TTLL7: variants seen among roughly 807,000 people sequenced by gnomAD.
TTLL7 encodes the protein tubulin polyglutamylase TTLL7.
A neutral mutation model predicts 120.2 loss-of-function variants in TTLL7; 53 were observed. The ratio of observed to expected loss-of-function variants is 0.44; its 90% CI spans 0.35 to 0.55. The LOEUF is 0.55. Ranked by LOEUF, TTLL7 falls within the 20% of genes least tolerant of loss-of-function variation. The pLI is 0.00. For synonymous variants in TTLL7, 353 were observed against 351.7 expected, an observed-to-expected ratio of 1.00 and a Z score of -0.04; for missense variants, 803 against 1,054.7, an observed-to-expected ratio of 0.76 and a Z score of 3.31.
chr1:83,887,710 A>G (rs1463869763), intron 19 of TTLL7, among the ~76,000 whole-genome samples: 4 of 152,072 alleles, frequency 2.6e-5, no homozygotes, highest in Non-Finnish European at 5.9e-5. Flanking sequence ...GGGAATGTCA[A>G]TGAAGCAAAG....
chr1:83,907,344 G>C (rs1657277304), intron 16 of TTLL7, 112 bp downstream of exon 16: 1 of 907,770 alleles, frequency 1.1e-6, no homozygotes, highest in Non-Finnish European at 1.7e-6. Context: ...AAGAGGTCAT[G>C]AGTTGAATTA....
intron 18 of TTLL7, among the ~76,000 whole-genome samples, chr1:83,892,267 C>A (rs1460719174): frequency 2.1e-5 from 2 of 94,334 alleles, no homozygotes; most frequent in African/African-American, 3.8e-5. Context: ...AATATATATA[C>A]GAATATATAT....
intron 15 of TTLL7, among the ~76,000 whole-genome samples, chr1:83,908,658 T>C (rs1657417865): frequency 1.3e-5 from 2 of 152,032 alleles, no homozygotes; most frequent in African/African-American, 2.4e-5. Flanking sequence ...CTCAATACTA[T>C]CAATATTTTT....
chr1:83,947,301 A>G lies in TTLL7; in HGVS notation c.348-19T>C. 7.0e-6 allele frequency: 11 copies of G among 1,572,848 alleles called. No homozygotes were observed. The highest frequency in any genetic ancestry group is 9.4e-6 in the Non-Finnish European group (11 of 1,165,974). On this transcript the variant is annotated intron_variant, in intron 5 of 20. Transcript: ENST00000260505. ...GATCATTCTGTAAATTGGACATAAT[A>G]GGAAAAATAATTTCTATTCAAACTA... is the stretch of plus-strand genomic sequence containing the variant.
At chr1:83,917,131 T>G (rs538072197) in intron 14 of TTLL7, among the ~76,000 whole-genome samples, 1 of 150,748 alleles carries the variant, frequency 6.6e-6, no homozygotes, top group East Asian at 1.9e-4. Context: ...AACATGTAGA[T>G]GTCATCTACA....
intron 18 of TTLL7, among the ~76,000 whole-genome samples, chr1:83,902,681 C>T (rs1387114620): frequency 1.3e-5 from 2 of 151,896 alleles, no homozygotes; most frequent in Non-Finnish European, 2.9e-5. Flanking sequence ...AGGCCTCAGT[C>T]CTTGAAACTC....
chr1:83,913,002 G>A (rs1289484411), intron 14 of TTLL7: 1 of 152,110 alleles, frequency 6.6e-6, no homozygotes, highest in East Asian at 1.9e-4. Flanking sequence ...AGCTTTAAGT[G>A]TTCTTAAAGA....
chr1:83,989,761 G>A (rs893781428), intron 1 of TTLL7, among the ~76,000 whole-genome samples: 3 of 152,026 alleles, frequency 2.0e-5, no homozygotes, highest in African/African-American at 4.8e-5. Context: ...AGACTGCTTT[G>A]GGCAGTATGG....
intron 19 of TTLL7, 55 bp from the exon 20 acceptor site, chr1:83,883,191 G>T: frequency 7.0e-7 from 1 of 1,437,406 alleles, no homozygotes; most frequent in Non-Finnish European, 9.4e-7. Flanking sequence ...ATGACAACCA[G>T]CTATATATCA....
At chr1:83,935,073 A>G (rs1647267411) in intron 8 of TTLL7, among the ~76,000 whole-genome samples, 1 of 152,094 alleles carries the variant, frequency 6.6e-6, no homozygotes, top group Admixed American at 6.6e-5. Context: ...ACCACAATCC[A>G]GTTTATATTT....
chr1:83,929,652 T>C (rs1659426503), intron 9 of TTLL7, among the ~76,000 whole-genome samples: 2 of 152,324 alleles, frequency 1.3e-5, no homozygotes, highest in African/African-American at 4.8e-5. Context: ...TATACATCTA[T>C]ATATTTAAAA....
At chr1:83,889,000 C>T (rs1490870614) in intron 19 of TTLL7, among the ~76,000 whole-genome samples, 6 of 151,940 alleles carry the variant, frequency 3.9e-5, no homozygotes, top group African/African-American at 1.4e-4. Flanking sequence ...TTATCTGTAT[C>T]TCTTTTATAA....
intron 18 of TTLL7, among the ~76,000 whole-genome samples, chr1:83,896,269 C>CTTA (rs1656214273): frequency 6.6e-6 from 1 of 152,044 alleles, no homozygotes; most frequent in Non-Finnish European, 1.5e-5. Context: ...CCCAATCCAA[C>CTTA]ATTAAGCTCT....
At chr1:83,949,749 A>T in intron 4 of TTLL7, 116 bp downstream of exon 4, 1 of 1,135,078 alleles carries the variant, frequency 8.8e-7, no homozygotes, top group Non-Finnish European at 1.3e-6. Flanking sequence ...CAGGCTATTC[A>T]GGTGAGTAAG....
chr1:83,944,829 C>G (rs1478509421), intron 6 of TTLL7, among the ~76,000 whole-genome samples: 1 of 152,146 alleles, frequency 6.6e-6, no homozygotes, highest in East Asian at 1.9e-4. Flanking sequence ...CTGATGGACA[C>G]AGAAGGTGCA....
At chr1:83,924,759 A>G (rs997782529) in intron 10 of TTLL7, among the ~76,000 whole-genome samples, 1 of 152,312 alleles carries the variant, frequency 6.6e-6, no homozygotes, top group East Asian at 1.9e-4. Context: ...TAAAAAAGTC[A>G]GTTGGCATTC....
intron 17 of TTLL7, 116 bp downstream of exon 17, chr1:83,906,213 A>G (rs956930029): frequency 3.5e-6 from 3 of 859,528 alleles, no homozygotes; most frequent in Non-Finnish European, 5.5e-6. Flanking sequence ...TGAAAAGAAC[A>G]TCAATTAAAT....
In TTLL7 at chr1:83,890,332, GAA is replaced by G; in HGVS notation, c.2356_2357del (p.Phe786LeufsTer2). On this transcript the variant is annotated frameshift_variant, in exon 19 of 21. Transcript: ENST00000260505. LOFTEE classifies it high-confidence loss of function. ...GACTTAGAGCTTACCCTGAATCACA[GAA>G]ACAGTTCCACAGCCCTTGGCCACGA... ...WSRGQGLWNC[F>X]CDSGSSWESI... 6.2e-7 allele frequency: 1 copy of G among 1,611,688 alleles called. No individual in the cohort carries two copies. The highest frequency in any genetic ancestry group is 8.5e-7 in the Non-Finnish European group (1 of 1,179,028).
intron 9 of TTLL7, among the ~76,000 whole-genome samples, chr1:83,932,427 T>A (rs2100820862): frequency 6.6e-6 from 1 of 152,134 alleles, no homozygotes; most frequent in South Asian, 2.1e-4. Context: ...AAGCAAAGGA[T>A]AAGTAAAACT....
Sources: allele counts gnomAD v4.1 joint callset (sites outside exome capture counted in the v4.1 genomes callset), GRCh38; gene constraint gnomAD v4.1.1; transcripts MANE v1.5; gene names NCBI Gene and HGNC (gene_info 2026-07-23, HGNC 2026-07-21).